Variants in CNTNAP2 observed in about 807,000 individuals in gnomAD.
CNTNAP2 encodes the protein contactin-associated protein-like 2.
In CNTNAP2, 98 loss-of-function variants were observed where a neutral mutation model predicts 155.2. The observed-to-expected ratio is 0.63, with a 90% CI of 0.54 to 0.75. The LOEUF (loss-of-function observed/expected upper bound fraction) is 0.75. CNTNAP2 is among the 30% of genes least tolerant of loss of function. CNTNAP2 has a pLI of 0.00. For synonymous variants in CNTNAP2, 651 were observed against 631.2 expected (o/e 1.03, Z -0.47); for missense variants, 1,727 against 1,688.1 (o/e 1.02, Z -0.40).
rs942881275 is a variant in CNTNAP2, at chr7:146,681,403, A to G, written c.98-92868A>G. ...GTTATTCATGGACACATAGAGGGAA[A>G]CAAGACACACAGGGTCCTGTGGGTG... On this transcript the variant is annotated intron_variant, in intron 1 of 23. Coordinates refer to ENST00000361727, the MANE Select transcript of CNTNAP2 (RefSeq NM_014141.6). 4.1e-5 allele frequency among the ~76,000 whole-genome samples: 5 copies of G among 121,788 alleles called. No homozygotes were observed. In the Admixed American group the frequency reaches 4.4e-4, roughly 11 times the overall value. 79.9% of individuals were successfully genotyped at this position (121,788 alleles called of 152,430 possible).
intron 1 of CNTNAP2, among the ~76,000 whole-genome samples, chr7:146,631,157 C>T (rs1323426579): frequency 6.6e-6 from 1 of 152,132 alleles, no homozygotes; most frequent in East Asian, 1.9e-4. Flanking sequence ...TGACTTCAAA[C>T]TACACTACAA....
At chr7:146,589,524 T>C (rs1798748432) in intron 1 of CNTNAP2, among the ~76,000 whole-genome samples, 1 of 151,818 alleles carries the variant, frequency 6.6e-6, no homozygotes, top group African/African-American at 2.4e-5. Flanking sequence ...CTGCATGTTC[T>C]CACTCATAAC....
In CNTNAP2 at chr7:146,116,984, G is replaced by T; in HGVS notation, c.97+11G>T. On this transcript the variant is annotated intron_variant, in intron 1 of 23. Coordinates refer to ENST00000361727, the MANE Select transcript of CNTNAP2 (RefSeq NM_014141.6). This position sits in a 1 kb window ranked among gnomAD's most constrained non-coding sequence, Gnocchi z 5.5. ...CTCCCTCCACGTCCCGTAAGTAGCC[G>T]TCTCCTCGCTCTGCTCTGGAGCAGT... 6.5e-7 allele frequency: 1 copy of T among 1,548,732 alleles called. No individual in the cohort carries two copies. The highest frequency in any genetic ancestry group is 8.7e-7 in the Non-Finnish European group (1 of 1,145,184).
chr7:147,361,186 G>C (rs1044525339), intron 9 of CNTNAP2, among the ~76,000 whole-genome samples: 4 of 152,200 alleles, frequency 2.6e-5, no homozygotes, highest in Admixed American at 2.0e-4. Flanking sequence ...AATTTGGAAA[G>C]CAATTATGAA....
chr7:146,826,351 T>C (rs1032578861), intron 2 of CNTNAP2, among the ~76,000 whole-genome samples: 5 of 152,140 alleles, frequency 3.3e-5, no homozygotes, highest in African/African-American at 7.2e-5. Context: ...TAAAAGCCAC[T>C]ATGTGAGTTA....
intron 8 of CNTNAP2, among the ~76,000 whole-genome samples, chr7:147,168,353 C>T (rs933211014): frequency 6.6e-6 from 1 of 151,734 alleles, no homozygotes. Flanking sequence ...ATTTTAAGAG[C>T]TTGGTATGTC....
At chr7:147,415,237 C>G (rs2116496643) in intron 10 of CNTNAP2, among the ~76,000 whole-genome samples, 1 of 152,288 alleles carries the variant, frequency 6.6e-6, no homozygotes, top group South Asian at 2.1e-4. Context: ...TTAAAGGGTG[C>G]TGCCCTGCCT....
At chr7:146,745,976 A>G (rs1383857256) in intron 1 of CNTNAP2, among the ~76,000 whole-genome samples, 1 of 152,196 alleles carries the variant, frequency 6.6e-6, no homozygotes, top group East Asian at 1.9e-4. Context: ...AAGCACTGGC[A>G]GTAAGTCATT....
chr7:148,143,852 T>C (rs375300894), intron 16 of CNTNAP2, among the ~76,000 whole-genome samples: 1 of 152,170 alleles, frequency 6.6e-6, no homozygotes, highest in African/African-American at 2.4e-5. Context: ...TGTCTTTTCC[T>C]TATAACTCAC....
At chr7:146,357,510 C>A (rs1014816473) in intron 1 of CNTNAP2, among the ~76,000 whole-genome samples, 2 of 151,994 alleles carry the variant, frequency 1.3e-5, no homozygotes, top group Non-Finnish European at 2.9e-5. Context: ...ATACTCTTGT[C>A]CCTCATTACC....
chr7:148,223,030 G>T (rs749997827), intron 19 of CNTNAP2, among the ~76,000 whole-genome samples: 4 of 152,182 alleles, frequency 2.6e-5, no homozygotes, highest in Non-Finnish European at 4.4e-5. Flanking sequence ...CAGGTCCACG[G>T]ATTCAATCTA....
intron 13 of CNTNAP2, among the ~76,000 whole-genome samples, chr7:147,655,502 C>T (rs1795512731): frequency 6.6e-6 from 1 of 152,208 alleles, no homozygotes; most frequent in Admixed American, 6.5e-5. Flanking sequence ...TATTAGCAGG[C>T]ATGAAAAAAC....
intron 11 of CNTNAP2, among the ~76,000 whole-genome samples, chr7:147,528,485 C>T (rs758599572): frequency 5.3e-5 from 8 of 152,186 alleles, no homozygotes; most frequent in Non-Finnish European, 1.2e-4. Flanking sequence ...AGTGTGCTAG[C>T]TTTCCCTCTC....
chr7:147,468,912 C>T (rs1798165447), intron 10 of CNTNAP2, among the ~76,000 whole-genome samples: 2 of 151,768 alleles, frequency 1.3e-5, no homozygotes, highest in African/African-American at 4.8e-5. Context: ...ACAATCTGAG[C>T]TCACTGCAAC....
At chr7:147,665,947 A>G (rs76248676) in intron 13 of CNTNAP2, among the ~76,000 whole-genome samples, 1 of 152,222 alleles carries the variant, frequency 6.6e-6, no homozygotes, top group Non-Finnish European at 1.5e-5. Flanking sequence ...GGATGAGAAT[A>G]TTAGAGTTCT....
chr7:146,952,779 G>T (rs529091418), intron 3 of CNTNAP2, among the ~76,000 whole-genome samples: 1 of 151,898 alleles, frequency 6.6e-6, no homozygotes, highest in Non-Finnish European at 1.5e-5. Flanking sequence ...AAATAAGAAA[G>T]GACTTTTCTT....
At chr7:147,199,048 G>A (rs1013934511) in intron 8 of CNTNAP2, among the ~76,000 whole-genome samples, 3 of 143,294 alleles carry the variant, frequency 2.1e-5, no homozygotes, top group Middle Eastern at 3.8e-3. Context: ...TGCAACCTTC[G>A]CCTCCTGGGT....
At chr7:147,173,716 C>T (rs1230055395) in intron 8 of CNTNAP2, among the ~76,000 whole-genome samples, 1 of 152,144 alleles carries the variant, frequency 6.6e-6, no homozygotes, top group Non-Finnish European at 1.5e-5. Flanking sequence ...CTAAATAAAA[C>T]TTTCTTCCGA....
intron 1 of CNTNAP2, among the ~76,000 whole-genome samples, chr7:146,737,162 G>T (rs965002229): frequency 6.6e-6 from 1 of 151,934 alleles, no homozygotes; most frequent in Admixed American, 6.6e-5. Flanking sequence ...TTTATTTATA[G>T]TAACAGGCAA....
Sources: allele counts gnomAD v4.1 joint callset (sites outside exome capture counted in the v4.1 genomes callset), GRCh38; gene constraint gnomAD v4.1.1; non-coding constraint Gnocchi (gnomAD v3.1); transcripts MANE v1.5; gene names NCBI Gene and HGNC (gene_info 2026-07-23, HGNC 2026-07-21).